Variants in TENM4 observed in about 807,000 individuals in gnomAD.
TENM4 encodes teneurin transmembrane protein 4.
TENM4 carries 82 observed loss-of-function variants against 243.3 expected under a neutral mutation model. The observed-to-expected ratio is 0.34, with a 90% CI of 0.28 to 0.40. The LOEUF (loss-of-function observed/expected upper bound fraction) is 0.40. Among genes scored for constraint, TENM4 ranks in the 10% least tolerant of loss-of-function variants. TENM4 has a pLI of 1.00. For synonymous variants in TENM4, 1,412 were observed against 1,456.3 expected (o/e 0.97, Z 0.69); for missense variants, 3,138 against 3,673.3 (o/e 0.85, Z 3.77).
chr11:78,880,457 TAAAAAAAAAAAAAAAAAAA>T lies in TENM4; in HGVS notation c.1084+9309_1084+9327del, dbSNP rs71763484. On this transcript the variant is annotated intron_variant, in intron 9 of 33. Transcript: ENST00000278550. ...ACACCCAAGAATGATCAATAAATAC[TAAAAAAAAAAAAAAAAAAA>T]AAAAAAAAAAAAAGAAAGAAAAAAT... is the stretch of plus-strand genomic sequence containing the variant. 8.0e-3 allele frequency among the ~76,000 whole-genome samples: 838 copies of T among 104,618 alleles called. 3 individuals carry two copies. The highest frequency in any genetic ancestry group is 0.01 in the Non-Finnish European group (599 of 57,820). The allele number at this position is 104,618 out of a possible 152,430, so 68.6% of individuals were successfully genotyped here.
chr11:78,740,196 C>G (rs190132713), intron 19 of TENM4, among the ~76,000 whole-genome samples: 47 of 152,288 alleles, frequency 3.1e-4, no homozygotes, highest in South Asian at 1.0e-3. Flanking sequence ...CAGTAACTGC[C>G]GTATGAAGTA....
intron 4 of TENM4, among the ~76,000 whole-genome samples, chr11:79,099,754 A>G (rs1215537856): frequency 6.6e-6 from 1 of 152,248 alleles, no homozygotes; most frequent in Non-Finnish European, 1.5e-5. Context: ...AAAGTTGGCC[A>G]TAGCCATGAT....
chr11:78,751,596 C>T (rs1421414051), intron 19 of TENM4, among the ~76,000 whole-genome samples: 7 of 152,096 alleles, frequency 4.6e-5, no homozygotes, highest in South Asian at 2.1e-4. Flanking sequence ...GGGGGTGGTT[C>T]GTCAGAACCT....
At chr11:79,036,956 A>T (rs1859398333) in intron 6 of TENM4, among the ~76,000 whole-genome samples, 1 of 140,424 alleles carries the variant, frequency 7.1e-6, no homozygotes, top group Non-Finnish European at 1.5e-5. Context: ...GCTTGCAGTG[A>T]GCGGAGATTG....
chr11:79,365,434 AT>A (rs1857660527), intron 1 of TENM4, among the ~76,000 whole-genome samples: 2 of 152,120 alleles, frequency 1.3e-5, no homozygotes, highest in Non-Finnish European at 2.9e-5. Context: ...AAATCAAGAG[AT>A]TTTTAAAATA....
chr11:78,855,970 A>G lies in TENM4; in HGVS notation c.1464T>C (p.His488=). Residue 488 remains histidine (H), a synonymous_variant, in exon 11 of 34, where the codon CAT becomes CAC. Transcript: ENST00000278550. ...IYGRKGLPPS[H]TQFDFVELLD... ...TATGTGGGGTTCTGGTTACCTGTGTATGTGAAGGAGGGAGGCCTTTTCTGC... is the reference window on the plus strand; with the variant it reads ...TATGTGGGGTTCTGGTTACCTGTGTGTGTGAAGGAGGGAGGCCTTTTCTGC... 5.8e-6 allele frequency: 9 copies of G among 1,551,390 alleles called. No individual in the cohort carries two copies. Among genetic ancestry groups the G allele is most frequent in the Non-Finnish European group, 7.8e-6 (9 of 1,146,978 alleles).
chr11:79,360,122 G>A (rs1857566457), intron 1 of TENM4, among the ~76,000 whole-genome samples: 2 of 152,150 alleles, frequency 1.3e-5, no homozygotes, highest in Non-Finnish European at 2.9e-5. Flanking sequence ...ACTTTGTGCA[G>A]TTGGATAATA....
At chr11:79,047,432 A>G (rs919497403) in intron 6 of TENM4, among the ~76,000 whole-genome samples, 3 of 152,214 alleles carry the variant, frequency 2.0e-5, no homozygotes, top group South Asian at 2.1e-4. Flanking sequence ...TAAAAAATAC[A>G]TCAAGCTCAC....
chr11:78,755,669 G>C (rs916600103), intron 19 of TENM4, among the ~76,000 whole-genome samples: 1 of 152,064 alleles, frequency 6.6e-6, no homozygotes, highest in African/African-American at 2.4e-5. Context: ...TCCTCAGCCT[G>C]GTGAAAATAC....
chr11:79,159,788 C>A (rs188713465), intron 3 of TENM4, among the ~76,000 whole-genome samples: 1 of 152,306 alleles, frequency 6.6e-6, no homozygotes, highest in African/African-American at 2.4e-5. Context: ...ATTATTTATT[C>A]ATTTCTACTT....
At chr11:78,977,783 G>A (rs920656384) in intron 6 of TENM4, among the ~76,000 whole-genome samples, 1 of 152,208 alleles carries the variant, frequency 6.6e-6, no homozygotes. Context: ...AACGATTGTG[G>A]AAGACAGAAT....
chr11:78,865,376 C>T (rs574588564), intron 9 of TENM4, among the ~76,000 whole-genome samples: 8 of 152,208 alleles, frequency 5.3e-5, no homozygotes, highest in South Asian at 4.1e-4. Flanking sequence ...TCAGTCTTCT[C>T]GGCATCAAGG....
intron 6 of TENM4, among the ~76,000 whole-genome samples, chr11:78,996,842 T>C (rs974792800): frequency 6.6e-6 from 1 of 152,120 alleles, no homozygotes; most frequent in Non-Finnish European, 1.5e-5. Flanking sequence ...AGAATGGTGG[T>C]CTTGTGGAGG....
chr11:78,791,159 G>A (rs982746774), intron 15 of TENM4, among the ~76,000 whole-genome samples: 2 of 152,190 alleles, frequency 1.3e-5, no homozygotes, highest in Non-Finnish European at 2.9e-5. Flanking sequence ...TGAGTGAAGA[G>A]ACCCACAGAC....
chr11:79,207,865 C>CAA (rs569705318), intron 3 of TENM4, among the ~76,000 whole-genome samples: 143 of 66,372 alleles, frequency 2.2e-3, no homozygotes, highest in Non-Finnish European at 3.2e-3. Flanking sequence ...GACTCTGTCT[C>CAA]AAAAAAAAAA....
chr11:78,925,845 A>G (rs1418228071), intron 6 of TENM4, among the ~76,000 whole-genome samples: 2 of 151,964 alleles, frequency 1.3e-5, no homozygotes, highest in East Asian at 1.9e-4. Flanking sequence ...AATTTCTCCA[A>G]TAAGGCAAAG....
chr11:79,001,735 C>T (rs1311989383), intron 6 of TENM4, among the ~76,000 whole-genome samples: 1 of 152,192 alleles, frequency 6.6e-6, no homozygotes, highest in African/African-American at 2.4e-5. Context: ...AATTGCCCCC[C>T]TGTATGTTGG....
At chr11:79,301,681 G>A (rs78423536) in intron 1 of TENM4, among the ~76,000 whole-genome samples, 6 of 152,234 alleles carry the variant, frequency 3.9e-5, no homozygotes, top group Non-Finnish European at 5.9e-5. Context: ...TGCCACAGGC[G>A]GGGCCTAGTG....
intron 1 of TENM4, among the ~76,000 whole-genome samples, chr11:79,396,767 T>C (rs1164415853): frequency 3.9e-5 from 6 of 152,194 alleles, no homozygotes; most frequent in Non-Finnish European, 5.9e-5. Context: ...AAGACCTCTC[T>C]CCTCTCTGGT....
Sources: gnomAD v4.1 joint callset for allele counts (sites outside exome capture counted in the v4.1 genomes callset) on GRCh38, gnomAD v4.1.1 for gene constraint, MANE v1.5 for transcripts, NCBI Gene and HGNC (gene_info 2026-07-23, HGNC 2026-07-21) for gene names.